The following LYPD6B variants were observed in gnomAD, a reference collection of about 807,000 sequenced individuals.
LYPD6B encodes the protein LY6/PLAUR domain containing 6B.
A neutral mutation model predicts 22.8 loss-of-function variants in LYPD6B; 17 were observed. The ratio of observed to expected loss-of-function variants is 0.75; its 90% CI spans 0.51 to 1.12. The LOEUF (loss-of-function observed/expected upper bound fraction) is 1.12, where lower values mean the gene tolerates loss of function less well. Ranked by LOEUF, LYPD6B falls within the 50% of genes most tolerant of loss-of-function variation. The pLI is 0.00. For synonymous variants in LYPD6B, 106 were observed against 91.6 expected (o/e 1.16, Z -0.90); for missense variants, 221 against 258.3 (o/e 0.86, Z 0.99).
Position 149,073,234 on chromosome 2 carries a change from C to A in LYPD6B, c.-67+34433C>A, listed in dbSNP as rs938167036. On this transcript the variant is annotated intron_variant, in intron 1 of 6. Coordinates refer to ENST00000409642, the MANE Select transcript of LYPD6B (RefSeq NM_177964.5). Reference sequence around the variant, plus strand: ...GCTTCTCTTGCTTTTCACTAGCAGGCCCAGCCCAGTATATCTCTTGGTCTC... The same window carrying A: ...GCTTCTCTTGCTTTTCACTAGCAGGACCAGCCCAGTATATCTCTTGGTCTC... Among the ~76,000 whole-genome samples the A allele has an allele frequency of 5.3e-5, 8 of 152,192 alleles. No homozygotes were observed. In the East Asian group the frequency reaches 1.5e-3, roughly 29 times the overall value.
intron 3 of LYPD6B, among the ~76,000 whole-genome samples, chr2:149,202,497 G>A (rs1258052588): frequency 2.0e-5 from 3 of 152,142 alleles, no homozygotes; most frequent in Non-Finnish European, 4.4e-5. Context: ...ACTACTCAGA[G>A]AGACATACTG....
intron 3 of LYPD6B, among the ~76,000 whole-genome samples, chr2:149,192,608 C>A (rs1692567296): frequency 6.6e-6 from 1 of 152,122 alleles, no homozygotes; most frequent in Non-Finnish European, 1.5e-5. Flanking sequence ...CCTCCTCATC[C>A]CCAATTTCCT....
intron 1 of LYPD6B, among the ~76,000 whole-genome samples, chr2:149,097,946 A>G (rs1210212242): frequency 6.6e-6 from 1 of 152,168 alleles, no homozygotes; most frequent in Non-Finnish European, 1.5e-5. Context: ...TTTAGTGAGG[A>G]AATAGAAGGT....
At chr2:149,068,953 C>G (rs1244568994) in intron 1 of LYPD6B, 1 of 249,146 alleles carries the variant, frequency 4.0e-6, no homozygotes, top group Non-Finnish European at 8.1e-6. Context: ...TAAAAATTAT[C>G]TCGTCCGTCT....
intron 1 of LYPD6B, among the ~76,000 whole-genome samples, chr2:149,051,732 C>G (rs1378303840): frequency 6.6e-6 from 1 of 152,018 alleles, no homozygotes; most frequent in Non-Finnish European, 1.5e-5. Context: ...GTGGTGCAAT[C>G]TTGGCTCACT....
chr2:149,042,505 A>G (rs75990270), intron 1 of LYPD6B, among the ~76,000 whole-genome samples: 21 of 152,328 alleles, frequency 1.4e-4, no homozygotes, highest in Admixed American at 5.9e-4. Flanking sequence ...GTTTTCAGCA[A>G]CAATACTGCC....
intron 1 of LYPD6B, among the ~76,000 whole-genome samples, chr2:149,072,957 C>G (rs1317621222): frequency 6.6e-6 from 1 of 152,204 alleles, no homozygotes; most frequent in Non-Finnish European, 1.5e-5. Flanking sequence ...GCAGAGGGAA[C>G]AGCAAGTGCA....
intron 1 of LYPD6B, among the ~76,000 whole-genome samples, chr2:149,127,956 T>C (rs1687794822): frequency 6.6e-6 from 1 of 152,078 alleles, no homozygotes; most frequent in Non-Finnish European, 1.5e-5. Flanking sequence ...TGGCCAGAGA[T>C]GTGTCTTCAA....
rs112785518 is a variant in LYPD6B, at chr2:149,098,676, T to C, written c.-66-32207T>C. The stretch of plus-strand genomic sequence containing the variant: ...AAAAAAATGGCTTTGGTTTCTTGTA[T>C]TGCTTCTGTAAGTTAAGCTTATCTA... On this transcript the variant is annotated intron_variant, in intron 1 of 6. Transcript: ENST00000409642. 2.4e-3 allele frequency among the ~76,000 whole-genome samples: 369 copies of C among 150,946 alleles called. 1 individual carries two copies. The highest frequency in any genetic ancestry group is 8.4e-3 in the African/African-American group (349 of 41,330).
intron 3 of LYPD6B, among the ~76,000 whole-genome samples, chr2:149,192,137 C>T (rs1034239342): frequency 6.6e-6 from 1 of 152,156 alleles, no homozygotes; most frequent in Non-Finnish European, 1.5e-5. Flanking sequence ...CAGGCAGCAA[C>T]CCTGAACCTC....
intron 3 of LYPD6B, among the ~76,000 whole-genome samples, chr2:149,168,851 G>C (rs1227072980): frequency 6.6e-6 from 1 of 152,128 alleles, no homozygotes; most frequent in Non-Finnish European, 1.5e-5. Flanking sequence ...GTCTTTGTAA[G>C]TTTACTTTGG....
chr2:149,176,289 G>A (rs1322570628), intron 3 of LYPD6B, among the ~76,000 whole-genome samples: 1 of 152,184 alleles, frequency 6.6e-6, no homozygotes, highest in Non-Finnish European at 1.5e-5. Context: ...GTATGTGCGT[G>A]TGTGCACACA....
intron 2 of LYPD6B, among the ~76,000 whole-genome samples, chr2:149,149,073 C>T (rs967878796): frequency 6.6e-6 from 1 of 152,114 alleles, no homozygotes; most frequent in Non-Finnish European, 1.5e-5. Flanking sequence ...CTGAAGGATA[C>T]ATTGACAAGG....
At chr2:149,098,406 A>G (rs531142242) in intron 1 of LYPD6B, among the ~76,000 whole-genome samples, 14 of 152,040 alleles carry the variant, frequency 9.2e-5, no homozygotes, top group Admixed American at 1.3e-4. Flanking sequence ...GGGTGGGTAA[A>G]CTGAGGTCAG....
intron 2 of LYPD6B, among the ~76,000 whole-genome samples, chr2:149,132,704 A>G (rs1248808944): frequency 6.6e-6 from 1 of 152,164 alleles, no homozygotes; most frequent in Non-Finnish European, 1.5e-5. Context: ...GCCCCATTAA[A>G]TTAGCTTTCC....
intron 2 of LYPD6B, chr2:149,160,399 A>C: frequency 2.2e-6 from 1 of 461,880 alleles, no homozygotes; most frequent in Non-Finnish European, 4.3e-6. Flanking sequence ...CGGCCTGCCA[A>C]ATACCCTGAT....
At chr2:149,046,169 C>G (rs1202947665) in intron 1 of LYPD6B, among the ~76,000 whole-genome samples, 4 of 152,032 alleles carry the variant, frequency 2.6e-5, no homozygotes, top group African/African-American at 9.7e-5. Flanking sequence ...GTTAATATTC[C>G]TTTTTCTGTA....
intron 1 of LYPD6B, among the ~76,000 whole-genome samples, chr2:149,109,737 A>G (rs984320657): frequency 1.3e-5 from 2 of 151,984 alleles, no homozygotes; most frequent in Non-Finnish European, 2.9e-5. Context: ...TTTGAGATGA[A>G]GTCTGGCTTT....
At chr2:149,123,646 G>A (rs908689036) in intron 1 of LYPD6B, among the ~76,000 whole-genome samples, 6 of 152,050 alleles carry the variant, frequency 3.9e-5, no homozygotes, top group East Asian at 3.9e-4. Context: ...GGCAGATCAC[G>A]AGGTCAAGAG....
Sources: gnomAD v4.1 joint callset for allele counts (sites outside exome capture counted in the v4.1 genomes callset) on GRCh38, gnomAD v4.1.1 for gene constraint, MANE v1.5 for transcripts, NCBI Gene and HGNC (gene_info 2026-07-23, HGNC 2026-07-21) for gene names.